Variants in SPOCK1 observed in about 807,000 individuals in gnomAD.
SPOCK1 encodes the protein testican-1.
In SPOCK1, 23 loss-of-function variants were observed where a neutral mutation model predicts 55.3. The observed-to-expected ratio is 0.42, with a 90% CI of 0.30 to 0.59. SPOCK1 has a LOEUF of 0.59. Among genes scored for constraint, SPOCK1 ranks in the 20% least tolerant of loss-of-function variants. SPOCK1 has a pLI of 0.22. For missense variants in SPOCK1, 499 were observed against 552.5 expected (o/e 0.90, Z 0.97); for synonymous variants, 226 against 221.0 (o/e 1.02, Z -0.20).
chr5:137,087,644 C>CA (rs1478536672), intron 5 of SPOCK1, among the ~76,000 whole-genome samples: 14 of 152,344 alleles, frequency 9.2e-5, no homozygotes, highest in African/African-American at 3.1e-4. Flanking sequence ...GCACCTCTTC[C>CA]AGTGAATACT....
At chr5:137,465,446 T>C (rs1753599353) in intron 2 of SPOCK1, among the ~76,000 whole-genome samples, 3 of 152,160 alleles carry the variant, frequency 2.0e-5, no homozygotes, top group Admixed American at 2.0e-4. Flanking sequence ...ATATATAAGC[T>C]TATAATTTCT....
At chr5:137,246,349 C>T (rs1221703338) in intron 3 of SPOCK1, among the ~76,000 whole-genome samples, 1 of 152,144 alleles carries the variant, frequency 6.6e-6, no homozygotes, top group Non-Finnish European at 1.5e-5. Context: ...AAACTGTCTG[C>T]CATCTATTAC....
At chr5:136,991,560 C>G (rs1750947833) in intron 7 of SPOCK1, among the ~76,000 whole-genome samples, 1 of 152,182 alleles carries the variant, frequency 6.6e-6, no homozygotes, top group African/African-American at 2.4e-5. Flanking sequence ...GCATTACTTT[C>G]AGAAATTCCA....
intron 6 of SPOCK1, among the ~76,000 whole-genome samples, chr5:137,041,553 T>A (rs1249843489): frequency 6.6e-6 from 1 of 152,164 alleles, no homozygotes; most frequent in Non-Finnish European, 1.5e-5. Context: ...TAAAAATATT[T>A]GCAAAACACA....
At chr5:137,000,049 A>T (rs1019041028) in intron 6 of SPOCK1, among the ~76,000 whole-genome samples, 9 of 152,166 alleles carry the variant, frequency 5.9e-5, no homozygotes, top group African/African-American at 2.2e-4. Flanking sequence ...GCTCTAGCAG[A>T]AGCAAATATG....
At chr5:137,339,428 T>C (rs569558925) in intron 2 of SPOCK1, among the ~76,000 whole-genome samples, 2 of 152,340 alleles carry the variant, frequency 1.3e-5, no homozygotes, top group East Asian at 3.9e-4. Context: ...ATAAAGGCCT[T>C]TAAGACTGGC....
chr5:137,173,403 C>T (rs1216001997), intron 3 of SPOCK1, among the ~76,000 whole-genome samples: 1 of 152,076 alleles, frequency 6.6e-6, no homozygotes, highest in Non-Finnish European at 1.5e-5. Context: ...CCAGAGTTGG[C>T]TTCTGTTTCT....
chr5:137,342,548 G>T (rs576353831), intron 2 of SPOCK1, among the ~76,000 whole-genome samples: 2 of 152,150 alleles, frequency 1.3e-5, no homozygotes, highest in Non-Finnish European at 2.9e-5. Context: ...AAATAAAGTC[G>T]ATTTCCACTA....
chr5:137,415,996 G>T (rs750947182), intron 2 of SPOCK1, among the ~76,000 whole-genome samples: 2 of 151,864 alleles, frequency 1.3e-5, no homozygotes, highest in African/African-American at 4.8e-5. Flanking sequence ...AGGATACAAA[G>T]GCTCATATCA....
At chr5:137,050,886 C>T (rs1752192599) in intron 6 of SPOCK1, among the ~76,000 whole-genome samples, 1 of 152,182 alleles carries the variant, frequency 6.6e-6, no homozygotes, top group Admixed American at 6.5e-5. Context: ...ATGAGAAATA[C>T]TCCCGTATTC....
chr5:137,395,868 G>A (rs1751836216), intron 2 of SPOCK1, among the ~76,000 whole-genome samples: 1 of 152,132 alleles, frequency 6.6e-6, no homozygotes, highest in Admixed American at 6.5e-5. Flanking sequence ...AAGCCTAGAT[G>A]GGAATAGCTA....
At chr5:137,446,554 C>T (rs531261511) in intron 2 of SPOCK1, among the ~76,000 whole-genome samples, 1 of 152,128 alleles carries the variant, frequency 6.6e-6, no homozygotes, top group East Asian at 1.9e-4. Context: ...ATGTGAGATG[C>T]ACAGTATGAG....
chr5:136,996,310 G>A (rs534628785), intron 6 of SPOCK1, among the ~76,000 whole-genome samples: 39 of 152,242 alleles, frequency 2.6e-4, no homozygotes, highest in African/African-American at 7.9e-4. Flanking sequence ...TGGCAATCCC[G>A]GCAATTTCTG....
At chr5:137,493,491 G>A (rs1437196765) in intron 2 of SPOCK1, among the ~76,000 whole-genome samples, 5 of 152,220 alleles carry the variant, frequency 3.3e-5, no homozygotes, top group Non-Finnish European at 4.4e-5. Flanking sequence ...AAGGAGCTCT[G>A]CCATCTGAGA....
chr5:137,104,673 A>G (rs1403290795), intron 5 of SPOCK1, among the ~76,000 whole-genome samples: 1 of 152,150 alleles, frequency 6.6e-6, no homozygotes, highest in Non-Finnish European at 1.5e-5. Context: ...ACTGTGAACT[A>G]CACATGCAAG....
chr5:137,420,791 T>C (rs968505043), intron 2 of SPOCK1, among the ~76,000 whole-genome samples: 6 of 152,198 alleles, frequency 3.9e-5, no homozygotes, highest in Non-Finnish European at 8.8e-5. Context: ...TGTGTCTCTA[T>C]CTCCTTCAGT....
At chr5:137,205,751 T>C (rs1755508628) in intron 3 of SPOCK1, among the ~76,000 whole-genome samples, 1 of 152,178 alleles carries the variant, frequency 6.6e-6, no homozygotes, top group South Asian at 2.1e-4. Context: ...TGTGCCATAA[T>C]AGCCTGAGCT....
intron 2 of SPOCK1, among the ~76,000 whole-genome samples, chr5:137,341,063 A>G (rs1750410952): frequency 6.6e-6 from 1 of 152,192 alleles, no homozygotes. Flanking sequence ...ACAACTCTGA[A>G]GTCAACATGC....
chr5:137,136,721 A>T (rs1056960473), intron 4 of SPOCK1, among the ~76,000 whole-genome samples: 3 of 152,200 alleles, frequency 2.0e-5, no homozygotes, highest in Non-Finnish European at 4.4e-5. Context: ...AGCTTAAGAG[A>T]AGGCTTCCTG....
Sources: allele counts gnomAD v4.1 joint callset (sites outside exome capture counted in the v4.1 genomes callset), GRCh38; gene constraint gnomAD v4.1.1; transcripts MANE v1.5; gene names NCBI Gene and HGNC (gene_info 2026-07-23, HGNC 2026-07-21).